Variants in USP42 observed in about 807,000 individuals in gnomAD.
The protein encoded by USP42 is ubiquitin carboxyl-terminal hydrolase 42.
USP42 carries 23 observed loss-of-function variants against 113.0 expected under a neutral mutation model. The observed-to-expected ratio is 0.20, with a 90% CI of 0.15 to 0.29. The LOEUF (loss-of-function observed/expected upper bound fraction) is 0.29. USP42 is among the 10% of genes least tolerant of loss of function. The probability of loss-of-function intolerance (pLI) is 1.00; values close to 1 mark genes in which losing one functional copy is unlikely to be tolerated. For synonymous variants in USP42, 933 were observed against 699.0 expected (o/e 1.33, Z -5.28); for missense variants, 2,174 against 1,779.8 (o/e 1.22, Z -3.99).
chr7:6,150,331 G>A (rs760963603), intron 13 of USP42, 29 bp downstream of exon 13: 51 of 1,605,362 alleles, frequency 3.2e-5, no homozygotes, highest in Non-Finnish European at 3.8e-5. Flanking sequence ...CTTCAGCCTC[G>A]TTTGTGGCGG....
rs1215350166 is a variant in USP42 at position 6,161,528 on chromosome 7, T to C, written c.*1010T>C. 1 of 152,658 alleles carries C rather than the reference T, an allele frequency of 6.6e-6. No homozygotes were observed. Among genetic ancestry groups the C allele is most frequent in the Non-Finnish European group, 1.5e-5 (1 of 68,042 alleles). 9.5% of individuals were successfully genotyped at this position (152,658 alleles called of 1,614,324 possible). ...TGCCCCACTGTAAATATACAGCATGTAAAATTTCTATAGTATATAAATGGC... is the reference window on the plus strand; with the variant it reads ...TGCCCCACTGTAAATATACAGCATGCAAAATTTCTATAGTATATAAATGGC... On this transcript the variant is annotated 3_prime_UTR_variant, in exon 18 of 18. Transcript: ENST00000306177.
At chr7:6,083,747 C>T in the USP42 span, among the ~76,000 whole-genome samples, 1 of 150,734 alleles carries the variant, frequency 6.6e-6, no homozygotes, top group South Asian at 2.1e-4. Flanking sequence ...TATTGTCTTC[C>T]AGTACGTTGT....
chr7:6,086,942 T>C, the USP42 span, among the ~76,000 whole-genome samples: 1 of 149,272 alleles, frequency 6.7e-6, no homozygotes, highest in African/African-American at 2.5e-5. Context: ...TGGCCAGGCT[T>C]GTCTCGAACT....
At chr7:6,095,478 G>A in the USP42 span, among the ~76,000 whole-genome samples, 2 of 150,964 alleles carry the variant, frequency 1.3e-5, no homozygotes, top group South Asian at 2.1e-4. Flanking sequence ...GACCAGCCTC[G>A]CCAACATAGT....
At chr7:6,087,100 C>T in the USP42 span, among the ~76,000 whole-genome samples, 1 of 147,846 alleles carries the variant, frequency 6.8e-6, no homozygotes, top group Admixed American at 6.8e-5. Flanking sequence ...GGTGCGATCT[C>T]AGCCCACTGC....
the USP42 span, among the ~76,000 whole-genome samples, chr7:6,098,138 C>T: frequency 2.0e-5 from 3 of 148,774 alleles, no homozygotes; most frequent in Admixed American, 6.7e-5. Flanking sequence ...CTTCTGAACT[C>T]GTGATCCTTC....
chr7:6,130,299 G>C (rs1199119073), intron 3 of USP42, among the ~76,000 whole-genome samples: 1 of 152,236 alleles, frequency 6.6e-6, no homozygotes, highest in African/African-American at 2.4e-5. Flanking sequence ...GGCACCCCAG[G>C]TGGGAATTGG....
chr7:6,114,417 A>G lies in USP42; in HGVS notation c.242-906A>G, dbSNP rs560849559. 3.5e-3 allele frequency among the ~76,000 whole-genome samples: 537 copies of G among 152,138 alleles called. 2 individuals are homozygous for G. The highest frequency in any genetic ancestry group is 5.9e-3 in the Non-Finnish European group (398 of 68,000). On this transcript the variant is annotated intron_variant, in intron 2 of 17. Transcript: ENST00000306177. ...TAGCCGTCAACCAACTTTGACATTT[A>G]TCAACTTACGGGCAGTGATACCAGC...
chr7:6,161,188 C>A lies in USP42; in HGVS notation c.*670C>A, dbSNP rs766687557. On this transcript the variant is annotated 3_prime_UTR_variant, in exon 18 of 18. Coordinates refer to ENST00000306177, the MANE Select transcript of USP42 (RefSeq NM_032172.3). ...ACCCAGACATGATTTGTAAAGCCGA[C>A]AGTATGTTTCTATTACACAACACTT... 3.9e-5 allele frequency: 6 copies of A among 152,668 alleles called. No individual in the cohort carries two copies. The highest frequency in any genetic ancestry group is 8.8e-5 in the Non-Finnish European group (6 of 68,048). 9.5% of individuals were successfully genotyped at this position (152,668 alleles called of 1,614,324 possible).
the USP42 span, among the ~76,000 whole-genome samples, chr7:6,096,730 T>C: frequency 4.6e-5 from 7 of 151,194 alleles, no homozygotes; most frequent in Middle Eastern, 0.01. Context: ...CTTACAATGA[T>C]ATATACTGTG....
rs368427289 is a variant in USP42, at chr7:6,157,008, G to C, written c.3896G>C (p.Arg1299Pro). 3.1e-6 allele frequency: 5 copies of C among 1,613,186 alleles called. No homozygotes were observed. The highest frequency in any genetic ancestry group is 3.4e-6 in the Non-Finnish European group (4 of 1,179,602). ...TTCCGTGAGAAAACGAAACACTTAC[G>C]GATGGAAAGCAGGGATGACAGGTGT... is the stretch of plus-strand genomic sequence containing the variant. ...GPFREKTKHL[R>P]MESRDDRCRL... Residue 1299 changes from arginine (R) to proline (P), a missense_variant, in exon 16 of 18, where the codon CGG (arginine) becomes CCG (proline). Transcript: ENST00000306177. The surrounding 1 kb of genome is among the most constrained non-coding windows in gnomAD (Gnocchi z 4.1).
At chr7:6,091,982 T>TCCA in the USP42 span, among the ~76,000 whole-genome samples, 1 of 21,364 alleles carries the variant, frequency 4.7e-5, no homozygotes, top group African/African-American at 1.6e-4. Context: ...GTATTTTTTC[T>TCCA]TCTTCTTCTT....
At chr7:6,129,425 C>T (rs555848955) in intron 3 of USP42, among the ~76,000 whole-genome samples, 1 of 150,724 alleles carries the variant, frequency 6.6e-6, no homozygotes, top group Non-Finnish European at 1.5e-5. Context: ...GGCATGGTGG[C>T]GGGCGCCTGT....
the USP42 span, among the ~76,000 whole-genome samples, chr7:6,091,010 A>G: frequency 6.6e-6 from 1 of 150,688 alleles, no homozygotes; most frequent in African/African-American, 2.5e-5. Flanking sequence ...TATGACGCCT[A>G]TTCAGTGGTG....
chr7:6,120,996 A>G (rs551121281), intron 3 of USP42, among the ~76,000 whole-genome samples: 1 of 151,874 alleles, frequency 6.6e-6, no homozygotes, highest in Non-Finnish European at 1.5e-5. Flanking sequence ...TTGATCTTAT[A>G]TCTTGGAACC....
intron 14 of USP42, among the ~76,000 whole-genome samples, chr7:6,153,204 T>G (rs1416699239): frequency 6.6e-6 from 1 of 151,370 alleles, no homozygotes; most frequent in Non-Finnish European, 1.5e-5. Flanking sequence ...ACCCAGGAGA[T>G]GGAGGTTGCA....
intron 3 of USP42, among the ~76,000 whole-genome samples, chr7:6,122,602 C>T (rs1291391121): frequency 6.6e-6 from 1 of 152,024 alleles, no homozygotes; most frequent in Non-Finnish European, 1.5e-5. Flanking sequence ...TCCTGAGTAG[C>T]TGGGATTACA....
intron 3 of USP42, chr7:6,117,020 T>C (rs1384222282): frequency 8.1e-6 from 3 of 370,698 alleles, no homozygotes; most frequent in Non-Finnish European, 1.1e-5. Context: ...CTCTCTCTCT[T>C]TTCCCAGCTT....
chr7:6,143,615 G>C (rs1781548396), intron 8 of USP42, among the ~76,000 whole-genome samples: 1 of 151,812 alleles, frequency 6.6e-6, no homozygotes, highest in East Asian at 1.9e-4. Flanking sequence ...CAAGACCAGA[G>C]GGATTTTGCC....
Sources: allele counts gnomAD v4.1 joint callset (sites outside exome capture counted in the v4.1 genomes callset), GRCh38; gene constraint gnomAD v4.1.1; non-coding constraint Gnocchi (gnomAD v3.1); transcripts MANE v1.5; gene names NCBI Gene and HGNC (gene_info 2026-07-23, HGNC 2026-07-21).